Variants in L3MBTL1 observed in about 807,000 individuals in gnomAD.
L3MBTL1 encodes L3MBTL histone methyl-lysine binding protein 1, also known as lethal(3)malignant brain tumor-like protein 1.
Under a neutral mutation model 105.3 loss-of-function variants are expected in L3MBTL1, and 75 were observed. The ratio of observed to expected loss-of-function variants is 0.71; its 90% confidence interval spans 0.59 to 0.86. The LOEUF is 0.86. L3MBTL1 is among the 40% of genes least tolerant of loss of function. The pLI is 0.00. For missense variants in L3MBTL1, 1,069 were observed against 1,126.4 expected (o/e 0.95, Z 0.73); for synonymous variants, 452 against 436.2 (o/e 1.04, Z -0.45).
chr20:43,548,334 A>G (rs760694263), exon 19 of L3MBTL1: 4 of 1,101,058 alleles, frequency 3.6e-6, no homozygotes, highest in Admixed American at 2.5e-5. Context: ...CTCATACCCC[A>G]CACGTCCCCA....
chr20:43,518,785 G>T (rs2145399188), intron 7 of L3MBTL1, among the ~76,000 whole-genome samples: 2 of 142,488 alleles, frequency 1.4e-5, no homozygotes, highest in East Asian at 4.2e-4. Context: ...GAGGCAGGCG[G>T]ATCATGAGGT....
chr20:43,514,185 TG>T, intron 3 of L3MBTL1, 124 bp downstream of exon 3: 1 of 915,444 alleles, frequency 1.1e-6, no homozygotes, highest in African/African-American at 1.7e-5. Flanking sequence ...GCCCTAGGGG[TG>T]GGCTTTGAGT....
intron 7 of L3MBTL1, chr20:43,523,560 T>C (rs2018848676): frequency 3.9e-6 from 1 of 254,374 alleles, no homozygotes; most frequent in Non-Finnish European, 7.9e-6. Context: ...AGTGGACCAG[T>C]ATCCTGCGGC....
At chr20:43,528,993 G>T (rs1363024843) in intron 8 of L3MBTL1, 9 of 601,930 alleles carry the variant, frequency 1.5e-5, no homozygotes, top group Non-Finnish European at 2.7e-5. Context: ...TTGAATTCTG[G>T]TGACTTCTAC....
chr20:43,541,824 A>G lies in L3MBTL1; in HGVS notation c.*696A>G. ...AGAGCAATATTATGGAGGAATATGT[A>G]GATCCAATCACTTTACCTATACAAA... On this transcript the variant is annotated 3_prime_UTR_variant, in exon 22 of 22. Transcript: ENST00000418998. The G allele has an allele frequency of 1.0e-6, 1 of 984,922 alleles. No homozygotes were observed. Among genetic ancestry groups the G allele is most frequent in the Non-Finnish European group, 1.2e-6 (1 of 829,418 alleles). The allele number at this position is 984,922 out of a possible 1,614,324, so 61.0% of individuals were successfully genotyped here. A position where few individuals can be genotyped will look rare whatever the true frequency, so the allele number is the denominator to read the frequency against.
chr20:43,519,628 C>T (rs1256781787), intron 7 of L3MBTL1, among the ~76,000 whole-genome samples: 1 of 152,130 alleles, frequency 6.6e-6, no homozygotes, highest in Non-Finnish European at 1.5e-5. Flanking sequence ...AAGAGCAAAA[C>T]TCCATCTCAA....
chr20:43,508,453 T>C (rs917051463), intron 1 of L3MBTL1, among the ~76,000 whole-genome samples: 5 of 152,258 alleles, frequency 3.3e-5, no homozygotes, highest in Non-Finnish European at 7.3e-5. Context: ...TCAGCCTTGC[T>C]GTGTGTTGTT....
At chr20:43,533,285 TGGCA>T in intron 12 of L3MBTL1, 53 bp from the exon 13 acceptor site, 1 of 1,499,502 alleles carries the variant, frequency 6.7e-7, no homozygotes, top group Non-Finnish European at 9.2e-7. Context: ...TTTCAGAGGA[TGGCA>T]GGCTCAGGGC....
chr20:43,545,379 A>G (rs1198986049), downstream of L3MBTL1, among the ~76,000 whole-genome samples: 1 of 151,900 alleles, frequency 6.6e-6, no homozygotes, highest in East Asian at 1.9e-4. Context: ...AAAAAAAAAA[A>G]AGGTGGGGAG....
intron 7 of L3MBTL1, among the ~76,000 whole-genome samples, chr20:43,524,547 A>G (rs1257194785): frequency 6.6e-6 from 1 of 152,232 alleles, no homozygotes; most frequent in Non-Finnish European, 1.5e-5. Flanking sequence ...GTCACAGAAC[A>G]AACTCTGCCT....
intron 18 of L3MBTL1, 55 bp from the exon 19 acceptor site, chr20:43,536,354 T>A: frequency 1.2e-6 from 2 of 1,613,208 alleles, no homozygotes; most frequent in South Asian, 2.2e-5. Flanking sequence ...TTGTAGCCTC[T>A]TGGACTGGGC....
At chr20:43,510,853 G>A (rs766477276) in intron 1 of L3MBTL1, among the ~76,000 whole-genome samples, 4 of 151,958 alleles carry the variant, frequency 2.6e-5, no homozygotes, top group African/African-American at 9.6e-5. Context: ...GAGTAGTTGG[G>A]ACTACAGGCA....
At chr20:43,542,611 CAAA>C (rs5841503), downstream of L3MBTL1, among the ~76,000 whole-genome samples, 149 of 112,644 alleles carry the variant, frequency 1.3e-3, 1 homozygote, top group Middle Eastern at 0.014. Context: ...AAAAATTTAA[CAAA>C]AAAAAAAAAA....
chr20:43,537,680 A>G (rs2019701309), intron 19 of L3MBTL1, among the ~76,000 whole-genome samples: 1 of 152,128 alleles, frequency 6.6e-6, no homozygotes, highest in Non-Finnish European at 1.5e-5. Context: ...AGCCACTAGT[A>G]CAGGGCCTGA....
chr20:43,519,349 A>T (rs985042713), intron 7 of L3MBTL1, among the ~76,000 whole-genome samples: 25 of 150,124 alleles, frequency 1.7e-4, no homozygotes, highest in African/African-American at 6.1e-4. Flanking sequence ...AAAAAAAAAA[A>T]AAAAAGGCTG....
intron 3 of L3MBTL1, 116 bp from the exon 4 acceptor site, chr20:43,514,519 G>T: frequency 6.4e-7 from 1 of 1,560,208 alleles, no homozygotes; most frequent in Non-Finnish European, 8.7e-7. Context: ...GTGGAGTCTT[G>T]AGGCCTGCTG....
At chr20:43,525,845 T>C (rs2019004325) in intron 7 of L3MBTL1, among the ~76,000 whole-genome samples, 1 of 152,204 alleles carries the variant, frequency 6.6e-6, no homozygotes, top group African/African-American at 2.4e-5. Context: ...GGCATCTCTG[T>C]ACCCCCAATT....
chr20:43,534,771 C>T (rs1262013680), intron 15 of L3MBTL1, 57 bp from the exon 16 acceptor site: 1 of 1,317,354 alleles, frequency 7.6e-7, no homozygotes, highest in African/African-American at 1.5e-5. Flanking sequence ...AGAGGACCTT[C>T]TGGCTGAGCT....
At chr20:43,514,105 A>C (rs1245901067) in intron 3 of L3MBTL1, 44 bp downstream of exon 3, 1 of 1,482,450 alleles carries the variant, frequency 6.7e-7, no homozygotes, top group African/African-American at 1.4e-5. Flanking sequence ...AACCGCAGCC[A>C]TGGGGCGGGG....
Sources: gnomAD v4.1 joint callset for allele counts (sites outside exome capture counted in the v4.1 genomes callset) on GRCh38, gnomAD v4.1.1 for gene constraint, MANE v1.5 for transcripts, NCBI Gene and HGNC (gene_info 2026-07-23, HGNC 2026-07-21) for gene names.